USP9X: variants seen among roughly 807,000 people sequenced by gnomAD.
The protein encoded by USP9X is ubiquitin specific peptidase 9 X-linked, also known as ubiquitin carboxyl-terminal hydrolase 9X.
A neutral mutation model predicts 190.3 loss-of-function variants in USP9X; 7 were observed. The ratio of observed to expected loss-of-function variants is 0.04; its 90% CI spans 0.02 to 0.07. The LOEUF (loss-of-function observed/expected upper bound fraction) is 0.07. Among genes scored for constraint, USP9X ranks in the 10% least tolerant of loss-of-function variants. The pLI, the probability that USP9X is intolerant of heterozygous loss-of-function variation, is 1.00. For synonymous variants in USP9X, 645 were observed against 659.5 expected (o/e 0.98, Z 0.34); for missense variants, 1,010 against 1,916.9 (o/e 0.53, Z 8.83).
At position 41,168,167 on chromosome X, in the gene USP9X, A is replaced by G; in HGVS notation, c.2585A>G (p.Asn862Ser). 1 of 1,210,741 alleles carries G rather than the reference A, an allele frequency of 8.3e-7. No individual in the cohort carries two copies. The highest frequency in any genetic ancestry group is 1.1e-6 in the Non-Finnish European group (1 of 895,012). Residue 862 changes from asparagine to serine, a missense_variant, in exon 18 of 45, where the codon AAT becomes AGT. Physicochemically the swap from Asn to Ser is conservative, Grantham distance 46. Transcript: ENST00000378308. ...RVLTVLREYI[N>S]ECDSDYHEER... ...TTAACTGTTTTAAGGGAATATATAA[A>G]TGAATGTGACAGTGATTATCATGAG...
chrX:41,162,102 T>C (rs1192429406), intron 14 of USP9X, among the ~76,000 whole-genome samples: 1 of 112,012 alleles, frequency 8.9e-6, no homozygotes, highest in Non-Finnish European at 1.9e-5. Context: ...GTCCCATCTT[T>C]ATAACACATC....
intron 21 of USP9X, among the ~76,000 whole-genome samples, chrX:41,174,373 G>A (rs919268252): frequency 9.0e-6 from 1 of 111,397 alleles, no homozygotes; most frequent in African/African-American, 3.3e-5. Context: ...CATGGATACC[G>A]GGGAATAACT....
At chrX:41,217,758 C>T (rs972887537) in intron 36 of USP9X, among the ~76,000 whole-genome samples, 6 of 110,975 alleles carry the variant, frequency 5.4e-5, no homozygotes, top group Non-Finnish European at 1.1e-4. Context: ...AGTATGGTGG[C>T]GCACACCTGT....
At chrX:41,168,989 A>G in intron 18 of USP9X, among the ~76,000 whole-genome samples, 1 of 111,866 alleles carries the variant, frequency 8.9e-6, no homozygotes, top group Non-Finnish European at 1.9e-5. Context: ...AAAAGGTACT[A>G]TACCAATATA....
chrX:41,230,412 G>C, intron 43 of USP9X, 89 bp from the exon 44 acceptor site: 1 of 886,336 alleles, frequency 1.1e-6, no homozygotes, highest in South Asian at 2.3e-5. Flanking sequence ...CAGTTTTGTA[G>C]ATTTTTAAAA....
chrX:41,217,351 G>T lies in USP9X; in HGVS notation c.6209+8G>T. On this transcript the variant is annotated splice_region_variant and intron_variant, in intron 36 of 44. Transcript: ENST00000378308. ...TGGCTCTGCCAGTGATTGGTACATT[G>T]CTTTGGATTTTCATTCCTATTATAC... The T allele has an allele frequency of 8.4e-7, 1 of 1,196,230 alleles. No homozygotes were observed. The highest frequency in any genetic ancestry group is 1.9e-5 in the South Asian group (1 of 53,504).
At chrX:41,134,112 A>G (rs948983618) in intron 4 of USP9X, among the ~76,000 whole-genome samples, 1 of 112,065 alleles carries the variant, frequency 8.9e-6, no homozygotes, top group African/African-American at 3.2e-5. Context: ...GGTTATTTTC[A>G]ACAAGTTCCA....
At chrX:41,101,334 C>CT (rs1223585916) in intron 1 of USP9X, among the ~76,000 whole-genome samples, 1 of 109,351 alleles carries the variant, frequency 9.1e-6, no homozygotes, top group Non-Finnish European at 1.9e-5. Context: ...AATTTCAGCA[C>CT]TTTGGGAGGC....
At chrX:41,144,655 A>G in intron 11 of USP9X, 29 bp downstream of exon 11, 1 of 1,060,685 alleles carries the variant, frequency 9.4e-7, no homozygotes, top group Non-Finnish European at 1.3e-6. Flanking sequence ...AAATATTACC[A>G]TTCTATTTCA....
At chrX:41,128,778 A>G (rs2062279938) in intron 2 of USP9X, among the ~76,000 whole-genome samples, 1 of 112,052 alleles carries the variant, frequency 8.9e-6, no homozygotes, top group African/African-American at 3.2e-5. Flanking sequence ...TTGGGGAATA[A>G]TGACAAGCAA....
chrX:41,137,825 T>C (rs1156762337), intron 6 of USP9X, among the ~76,000 whole-genome samples: 2 of 111,179 alleles, frequency 1.8e-5, no homozygotes, highest in African/African-American at 6.5e-5. Context: ...ATCTAAATAA[T>C]GGCAGTCTTC....
chrX:41,185,400 C>T lies in USP9X; in HGVS notation c.3558+725C>T, dbSNP rs190242796. ...TATTTTTGAAGTGATTGCTAAGATA[C>T]TTCCAGGTGAAATTACATGATATCT... is the stretch of plus-strand genomic sequence containing the variant. On this transcript the variant is annotated intron_variant, in intron 23 of 44. Coordinates refer to ENST00000378308, the MANE Select transcript of USP9X (RefSeq NM_001039591.3). Among the ~76,000 whole-genome samples, 4 of 111,482 alleles carry T rather than the reference C, an allele frequency of 3.6e-5. No individual in the cohort carries two copies. In the East Asian group the frequency reaches 1.1e-3, roughly 31 times the overall value.
chrX:41,098,139 CT>C (rs1166570050), intron 1 of USP9X, among the ~76,000 whole-genome samples: 288 of 100,774 alleles, frequency 2.9e-3, no homozygotes, highest in East Asian at 0.014. Flanking sequence ...ACCCTGACCT[CT>C]TTTTTTTTTT....
chrX:41,208,766 G>C (rs1354710879), intron 32 of USP9X, among the ~76,000 whole-genome samples: 1 of 109,585 alleles, frequency 9.1e-6, no homozygotes, highest in African/African-American at 3.3e-5. Flanking sequence ...GGAGTGCAGT[G>C]GCGTGATCTC....
At chrX:41,146,664 CTT>C (rs748840962) in intron 11 of USP9X, among the ~76,000 whole-genome samples, 1 of 50,370 alleles carries the variant, frequency 2.0e-5, no homozygotes, top group Admixed American at 2.8e-4. Flanking sequence ...AGCTATTTGC[CTT>C]TTTTTTTTTT....
chrX:41,205,856 AT>A (rs1239244132), intron 32 of USP9X, among the ~76,000 whole-genome samples: 38 of 82,155 alleles, frequency 4.6e-4, no homozygotes, highest in African/African-American at 1.2e-3. Flanking sequence ...TTCTTAACCT[AT>A]TTTTTTTTTC....
At chrX:41,088,046 C>A (rs976592341) in intron 1 of USP9X, among the ~76,000 whole-genome samples, 4 of 111,925 alleles carry the variant, frequency 3.6e-5, no homozygotes, top group African/African-American at 1.3e-4. Context: ...TGCAGTGGCA[C>A]GATCTCGGCT....
intron 19 of USP9X, 105 bp downstream of exon 19, chrX:41,170,340 G>GT: frequency 1.9e-6 from 2 of 1,074,544 alleles, no homozygotes; most frequent in Non-Finnish European, 2.5e-6. Context: ...ACTGTGTTAG[G>GT]TGTTAGAGTT....
At chrX:41,183,300 A>AT (rs1487804956) in intron 21 of USP9X, among the ~76,000 whole-genome samples, 1 of 109,379 alleles carries the variant, frequency 9.1e-6, no homozygotes, top group African/African-American at 3.3e-5. Context: ...TTATCAAGGT[A>AT]TTTTTTTAAT....
Sources: allele counts gnomAD v4.1 joint callset (sites outside exome capture counted in the v4.1 genomes callset), GRCh38; gene constraint gnomAD v4.1.1; transcripts MANE v1.5; gene names NCBI Gene and HGNC (gene_info 2026-07-23, HGNC 2026-07-21).